DIS3L2: variants seen among roughly 807,000 people sequenced by gnomAD.
DIS3L2 encodes DIS3-like exonuclease 2.
In DIS3L2, 34 loss-of-function variants were observed where a neutral mutation model predicts 97.5. The ratio of observed to expected loss-of-function variants is 0.35; its 90% CI spans 0.27 to 0.46. The LOEUF (loss-of-function observed/expected upper bound fraction) is 0.46, where lower values mean the gene tolerates loss of function less well. Among genes scored for constraint, DIS3L2 ranks in the 20% least tolerant of loss-of-function variants. DIS3L2 has a pLI of 1.00. For missense variants in DIS3L2, 1,038 were observed against 1,146.0 expected (o/e 0.91, Z 1.36); for synonymous variants, 435 against 445.2 (o/e 0.98, Z 0.29).
intron 13 of DIS3L2, among the ~76,000 whole-genome samples, chr2:232,294,054 T>C (rs1239083158): frequency 2.0e-5 from 3 of 152,200 alleles, no homozygotes; most frequent in Non-Finnish European, 4.4e-5. Context: ...TCCTCCATGA[T>C]TTGGCTCCCT....
At chr2:232,197,228 C>T (rs1691778983) in intron 9 of DIS3L2, among the ~76,000 whole-genome samples, 1 of 152,118 alleles carries the variant, frequency 6.6e-6, no homozygotes, top group South Asian at 2.1e-4. Context: ...CCATTAAATG[C>T]TGTCATTTAC....
chr2:232,321,322 C>A (rs1291441242), intron 14 of DIS3L2, among the ~76,000 whole-genome samples: 4 of 152,134 alleles, frequency 2.6e-5, no homozygotes, highest in Non-Finnish European at 5.9e-5. Context: ...TGGAGCTCAC[C>A]AGGGAAAACA....
At chr2:232,013,149 CT>C (rs1403776252) in intron 1 of DIS3L2, among the ~76,000 whole-genome samples, 3 of 152,338 alleles carry the variant, frequency 2.0e-5, no homozygotes, top group Non-Finnish European at 4.4e-5. Flanking sequence ...AGGGCCTCTT[CT>C]TTTCAGTGTC....
At chr2:232,077,955 CTCTTTCTTTCTTTCTT>C (rs538146324) in intron 5 of DIS3L2, among the ~76,000 whole-genome samples, 3,090 of 108,742 alleles carry the variant, frequency 0.028, 51 homozygotes, top group African/African-American at 0.032. Flanking sequence ...TTCTTTCTTT[CTCTTTCTTTCTTTCTT>C]TCTTTCTTTC....
chr2:232,011,599 C>T (rs189630757), intron 1 of DIS3L2, among the ~76,000 whole-genome samples: 73 of 152,254 alleles, frequency 4.8e-4, no homozygotes, highest in African/African-American at 1.5e-3. Context: ...GTGGTCTGCC[C>T]GCCTTGGCCT....
intron 1 of DIS3L2, among the ~76,000 whole-genome samples, chr2:231,987,616 T>C (rs1693454842): frequency 1.3e-5 from 2 of 152,182 alleles, no homozygotes; most frequent in African/African-American, 2.4e-5. Flanking sequence ...TTAGAAGGCA[T>C]GCGTAAGCAC....
At chr2:232,245,317 A>G (rs1478907947) in intron 11 of DIS3L2, among the ~76,000 whole-genome samples, 1 of 152,102 alleles carries the variant, frequency 6.6e-6, no homozygotes, top group Admixed American at 6.5e-5. Context: ...CCCCTGACAT[A>G]ATGGGACTTG....
At chr2:232,085,139 A>G (rs899991848) in intron 5 of DIS3L2, among the ~76,000 whole-genome samples, 6 of 152,242 alleles carry the variant, frequency 3.9e-5, no homozygotes, top group Non-Finnish European at 8.8e-5. Flanking sequence ...TACTTCATTC[A>G]GGTCTCTGCT....
chr2:232,182,686 A>G (rs964361727), intron 9 of DIS3L2, among the ~76,000 whole-genome samples: 1 of 152,146 alleles, frequency 6.6e-6, no homozygotes, highest in African/African-American at 2.4e-5. Flanking sequence ...TGTCTTTAGT[A>G]ACACTTTTTG....
intron 14 of DIS3L2, among the ~76,000 whole-genome samples, chr2:232,306,198 A>T (rs1694982025): frequency 6.6e-6 from 1 of 152,182 alleles, no homozygotes; most frequent in Non-Finnish European, 1.5e-5. Flanking sequence ...TTCTCATAGG[A>T]GATGCCTCTG....
chr2:232,008,207 T>TA lies in DIS3L2; in HGVS notation c.-93-6626dup, dbSNP rs1553600725. Among the ~76,000 whole-genome samples, 719 of 150,538 alleles carry TA rather than the reference T, an allele frequency of 4.8e-3. 8 individuals are homozygous for TA. Among genetic ancestry groups the TA allele is most frequent in the Middle Eastern group, 0.034 (10 of 290 alleles). Reference sequence around the variant, plus strand: ...TTTTGTACTTTTTTTTTTTTTTTTTTAATAGGGTTGGGGTTTTGCCATATT... The same window carrying TA: ...TTTTGTACTTTTTTTTTTTTTTTTTTAAATAGGGTTGGGGTTTTGCCATATT... On this transcript the variant is annotated intron_variant, in intron 1 of 20. Coordinates refer to ENST00000325385, the MANE Select transcript of DIS3L2 (RefSeq NM_152383.5).
intron 13 of DIS3L2, among the ~76,000 whole-genome samples, chr2:232,266,286 A>G (rs1003958189): frequency 1.3e-5 from 2 of 152,212 alleles, no homozygotes; most frequent in Non-Finnish European, 2.9e-5. Context: ...GGCTTTGGAT[A>G]TCTGTCTCTA....
At chr2:232,337,302 G>C, downstream of DIS3L2, 1 of 565,058 alleles carries the variant, frequency 1.8e-6, no homozygotes, top group Non-Finnish European at 2.2e-6. Context: ...GGGCCTGGTG[G>C]GAGTCATGGG....
chr2:232,188,285 C>A (rs569554722), intron 9 of DIS3L2, among the ~76,000 whole-genome samples: 145 of 152,230 alleles, frequency 9.5e-4, no homozygotes, highest in African/African-American at 3.4e-3. Flanking sequence ...TGAAAATATT[C>A]TAAAATTAGG....
intron 5 of DIS3L2, among the ~76,000 whole-genome samples, chr2:232,076,127 C>T (rs1454097608): frequency 6.6e-6 from 1 of 152,170 alleles, no homozygotes; most frequent in Non-Finnish European, 1.5e-5. Context: ...ATTTAGGGCT[C>T]TTGACATCTT....
chr2:232,208,902 C>G (rs1026116844), intron 9 of DIS3L2, among the ~76,000 whole-genome samples: 1 of 151,828 alleles, frequency 6.6e-6, no homozygotes. Flanking sequence ...GTGGCATGCA[C>G]CTATACTGTC....
rs116316908 is a variant in DIS3L2 at position 231,992,044 on chromosome 2, G to A, written c.-93-22791G>A. 3.9e-3 allele frequency among the ~76,000 whole-genome samples: 593 copies of A among 152,292 alleles called. 3 individuals are homozygous for A. The highest frequency in any genetic ancestry group is 0.014 in the African/African-American group (563 of 41,552). The stretch of plus-strand genomic sequence containing the variant: ...TACTTTGCTGTGGTATGGTTGGGAA[G>A]GCTGTATTGAGGGATGAGGACTGGA... On this transcript the variant is annotated intron_variant, in intron 1 of 20. Coordinates refer to ENST00000325385, the MANE Select transcript of DIS3L2 (RefSeq NM_152383.5).
intron 5 of DIS3L2, among the ~76,000 whole-genome samples, chr2:232,058,017 G>A (rs1178850246): frequency 1.3e-5 from 2 of 152,098 alleles, no homozygotes; most frequent in African/African-American, 2.4e-5. Context: ...CCTTTAACCA[G>A]TACACAAATA....
In DIS3L2 at chr2:232,079,696, T is replaced by C. The variant is rs183636492; in HGVS notation, c.367-7791T>C. Among the ~76,000 whole-genome samples the C allele has an allele frequency of 2.6e-5, 4 of 151,594 alleles. No individual in the cohort carries two copies. The East Asian group carries it at 7.8e-4, about 29-fold the overall frequency. On this transcript the variant is annotated intron_variant, in intron 5 of 20. Transcript: ENST00000325385. ...AGCAAGGTGGGGCTATTTCAGTTACTGTGATCAGGGAAGTGTCTCTGACAG... is the reference window on the plus strand; with the variant it reads ...AGCAAGGTGGGGCTATTTCAGTTACCGTGATCAGGGAAGTGTCTCTGACAG...
Sources: gnomAD v4.1 joint callset for allele counts (sites outside exome capture counted in the v4.1 genomes callset) on GRCh38, gnomAD v4.1.1 for gene constraint, MANE v1.5 for transcripts, NCBI Gene and HGNC (gene_info 2026-07-23, HGNC 2026-07-21) for gene names.